Variants in DLG2 observed in about 807,000 individuals in gnomAD.
The protein encoded by DLG2 is discs large MAGUK scaffold protein 2.
In DLG2, 45 loss-of-function variants were observed where a neutral mutation model predicts 132.5. That is an observed-to-expected ratio of 0.34 (90% confidence interval 0.27 to 0.44). The LOEUF is 0.44. Ranked by LOEUF, DLG2 falls within the 20% of genes least tolerant of loss-of-function variation. The pLI, the probability that DLG2 is intolerant of heterozygous loss-of-function variation, is 1.00. For missense variants in DLG2, 1,045 were observed against 1,196.9 expected, an observed-to-expected ratio of 0.87 and a Z score of 1.87; for synonymous variants, 424 against 419.6, an observed-to-expected ratio of 1.01 and a Z score of -0.13.
At chr11:84,498,248 T>C (rs987212963) in intron 7 of DLG2, among the ~76,000 whole-genome samples, 18 of 152,244 alleles carry the variant, frequency 1.2e-4, no homozygotes, top group African/African-American at 4.3e-4. Flanking sequence ...ATTGTGTTTC[T>C]ATTTTAATCC....
At chr11:84,674,381 T>C (rs2153697284) in intron 6 of DLG2, among the ~76,000 whole-genome samples, 1 of 152,144 alleles carries the variant, frequency 6.6e-6, no homozygotes, top group Non-Finnish European at 1.5e-5. Context: ...ATGAGCAGAG[T>C]ATAATTAATT....
intron 3 of DLG2, among the ~76,000 whole-genome samples, chr11:85,431,399 G>C (rs1255849467): frequency 6.6e-6 from 1 of 152,172 alleles, no homozygotes. Context: ...CCACTGAACT[G>C]TGCAACCCAT....
At chr11:85,119,321 G>C (rs1420089927) in intron 5 of DLG2, among the ~76,000 whole-genome samples, 1 of 151,882 alleles carries the variant, frequency 6.6e-6, no homozygotes, top group Non-Finnish European at 1.5e-5. Context: ...TGGTATTTTA[G>C]TATTTTATGG....
chr11:84,240,331 T>G (rs1022306), intron 8 of DLG2, among the ~76,000 whole-genome samples: 129,438 of 152,202 alleles, frequency 0.85, 55,220 homozygotes, highest in East Asian at 1. Context: ...AGAAATACAT[T>G]CCTATCTTGC....
At position 83,633,333 on chromosome 11, in the gene DLG2, T is replaced by C. The variant is rs374681555; in HGVS notation, c.1826-8A>G. The C allele has an allele frequency of 6.8e-6, 11 of 1,611,996 alleles. No homozygotes were observed. The highest frequency in any genetic ancestry group is 1.6e-4 in the Middle Eastern group (1 of 6,068). On this transcript the variant is annotated splice_region_variant and splice_polypyrimidine_tract_variant and intron_variant, in intron 18 of 27. Transcript: ENST00000376104. ...CCTCAAATCGAGCGTAATCTGGGAA[T>C]GAAAACAAAGGTAGCAAATTTTGCT... is the stretch of plus-strand genomic sequence containing the variant.
At chr11:83,497,296 A>G (rs1320691613) in intron 21 of DLG2, among the ~76,000 whole-genome samples, 2 of 152,210 alleles carry the variant, frequency 1.3e-5, no homozygotes, top group Non-Finnish European at 2.9e-5. Context: ...TAATCCCAGC[A>G]CTTTGGGAGG....
At chr11:85,073,623 C>CA (rs1329722976) in intron 6 of DLG2, among the ~76,000 whole-genome samples, 1 of 151,680 alleles carries the variant, frequency 6.6e-6, no homozygotes, top group East Asian at 1.9e-4. Context: ...TTGTGATATA[C>CA]AAGGTAGCAC....
intron 21 of DLG2, among the ~76,000 whole-genome samples, chr11:83,493,051 G>C (rs147704980): frequency 4.7e-4 from 71 of 152,174 alleles, no homozygotes; most frequent in African/African-American, 1.7e-3. Context: ...CTACCACTTT[G>C]ATCTCCTCTG....
At chr11:84,436,864 T>G (rs2099002373) in intron 7 of DLG2, among the ~76,000 whole-genome samples, 1 of 152,216 alleles carries the variant, frequency 6.6e-6, no homozygotes, top group African/African-American at 2.4e-5. Flanking sequence ...TTTGAAACGA[T>G]GGCTTAGTGA....
At chr11:85,108,710 A>G (rs897664845) in intron 6 of DLG2, among the ~76,000 whole-genome samples, 1 of 152,094 alleles carries the variant, frequency 6.6e-6, no homozygotes, top group African/African-American at 2.4e-5. Context: ...ACTACTTATT[A>G]CACTAGCTCT....
chr11:84,609,493 G>A (rs1593657594), intron 6 of DLG2, among the ~76,000 whole-genome samples: 2 of 152,180 alleles, frequency 1.3e-5, no homozygotes, highest in East Asian at 3.9e-4. Context: ...TATAAACTGT[G>A]CTATCTGATG....
chr11:83,856,837 T>A lies in DLG2; in HGVS notation c.1565+17583A>T, dbSNP rs368225928. On this transcript the variant is annotated intron_variant, in intron 16 of 27. Coordinates refer to ENST00000376104, the MANE Select transcript of DLG2 (RefSeq NM_001142699.3). ...AGAAGCTCTTTAGTTTAATTAAATA[T>A]CATTTGCCAGTTTTTGCTTTGGTGT... Among the ~76,000 whole-genome samples, 105 of 152,298 alleles carry A rather than the reference T, an allele frequency of 6.9e-4. 1 individual carries two copies. In the South Asian group the frequency reaches 0.021, roughly 31 times the overall value.
At chr11:83,673,713 C>A (rs1160430515) in intron 18 of DLG2, among the ~76,000 whole-genome samples, 1 of 152,168 alleles carries the variant, frequency 6.6e-6, no homozygotes, top group Non-Finnish European at 1.5e-5. Context: ...TATGTGCTGT[C>A]CTGCTACTTT....
chr11:83,996,217 A>G (rs1179284377), intron 11 of DLG2, among the ~76,000 whole-genome samples: 1 of 152,218 alleles, frequency 6.6e-6, no homozygotes, highest in African/African-American at 2.4e-5. Flanking sequence ...CAGACATATG[A>G]AAGGTGCTCA....
intron 14 of DLG2, among the ~76,000 whole-genome samples, chr11:83,931,410 C>T (rs1347874856): frequency 6.6e-6 from 1 of 152,084 alleles, no homozygotes; most frequent in Non-Finnish European, 1.5e-5. Flanking sequence ...TTGTTTCTGC[C>T]TGGGAGGGCT....
chr11:84,525,317 C>T (rs2099316987), intron 7 of DLG2, among the ~76,000 whole-genome samples: 1 of 152,164 alleles, frequency 6.6e-6, no homozygotes, highest in African/African-American at 2.4e-5. Context: ...AATTATCCCA[C>T]TCCCTCCCCT....
chr11:85,253,238 A>T (rs1367321272), intron 4 of DLG2, among the ~76,000 whole-genome samples: 1 of 152,220 alleles, frequency 6.6e-6, no homozygotes, highest in Non-Finnish European at 1.5e-5. Context: ...TGACCCAAAA[A>T]TTCTACTCCC....
chr11:83,821,995 G>A (rs373834515), intron 17 of DLG2, among the ~76,000 whole-genome samples: 2 of 152,126 alleles, frequency 1.3e-5, no homozygotes, highest in South Asian at 2.1e-4. Context: ...GGAACTTGTC[G>A]AAAGATATTA....
chr11:83,651,158 G>A lies in DLG2; in HGVS notation c.1826-17833C>T, dbSNP rs146154057. On this transcript the variant is annotated intron_variant, in intron 18 of 27. Coordinates refer to ENST00000376104, the MANE Select transcript of DLG2 (RefSeq NM_001142699.3). ...TGTGTATACTCAGCTCTTAGTACAA[G>A]TAAGTACCTAGTACATAATAGGTAC... Among the ~76,000 whole-genome samples the A allele has an allele frequency of 9.3e-4, 142 of 152,122 alleles. 1 individual carries two copies. Among genetic ancestry groups the A allele is most frequent in the South Asian group, 8.5e-3 (41 of 4,818 alleles).
Sources: gnomAD v4.1 joint callset for allele counts (sites outside exome capture counted in the v4.1 genomes callset) on GRCh38, gnomAD v4.1.1 for gene constraint, MANE v1.5 for transcripts, NCBI Gene and HGNC (gene_info 2026-07-23, HGNC 2026-07-21) for gene names.